The following CACNA1D variants were observed in gnomAD, a reference collection of about 807,000 sequenced individuals.
CACNA1D encodes the protein voltage-dependent L-type calcium channel subunit alpha-1D.
In CACNA1D, 55 loss-of-function variants were observed where a neutral mutation model predicts 257.1. The observed-to-expected ratio is 0.21, with a 90% CI of 0.17 to 0.27. The LOEUF (loss-of-function observed/expected upper bound fraction) is 0.27, where lower values mean the gene tolerates loss of function less well. Ranked by LOEUF, CACNA1D falls within the 10% of genes least tolerant of loss-of-function variation. CACNA1D has a pLI of 1.00. For missense variants in CACNA1D, 1,876 were observed against 2,784.0 expected, an observed-to-expected ratio of 0.67 and a Z score of 7.34; for synonymous variants, 980 against 1,014.9, an observed-to-expected ratio of 0.97 and a Z score of 0.65.
intron 32 of CACNA1D, 95 bp from the exon 33 acceptor site, chr3:53,772,738 G>T: frequency 1.2e-6 from 1 of 862,178 alleles, no homozygotes. Context: ...GGAATAGAAA[G>T]GAAGCATGTG....
At chr3:53,593,926 A>T (rs1193142646) in intron 3 of CACNA1D, among the ~76,000 whole-genome samples, 1 of 152,186 alleles carries the variant, frequency 6.6e-6, no homozygotes, top group Non-Finnish European at 1.5e-5. Flanking sequence ...AGAAACGCTG[A>T]TGTTAGGATG....
Position 53,726,914 on chromosome 3 carries a change from C to T in CACNA1D, c.2136C>T (p.Tyr712=), listed in dbSNP as rs570660359. ...LTGEDWNAVM[Y]DGIMAYGGPS... is the part of the protein sequence containing the mutation. ...GCGAAGACTGGAATGCTGTGATGTA[C>T]GATGGCATCATGGCTTACGGGGGCC... Residue 712 remains tyrosine (Y), a synonymous_variant, in exon 15 of 48, where the codon TAC becomes TAT. Coordinates refer to ENST00000350061, the MANE Select transcript of CACNA1D (RefSeq NM_001128840.3). 43 of 1,614,012 alleles carry T rather than the reference C, an allele frequency of 2.7e-5. No homozygotes were observed. The highest frequency in any genetic ancestry group is 8.8e-5 in the South Asian group (8 of 91,084).
At chr3:53,724,087 C>A in intron 14 of CACNA1D, 88 bp downstream of exon 14, 1 of 1,055,340 alleles carries the variant, frequency 9.5e-7, no homozygotes, top group Non-Finnish European at 1.5e-6. Context: ...CTCAGGAAGA[C>A]AAAAGGACTC....
At chr3:53,518,728 A>C (rs1388302224) in intron 3 of CACNA1D, among the ~76,000 whole-genome samples, 1 of 152,226 alleles carries the variant, frequency 6.6e-6, no homozygotes. Context: ...ATTTGTAAGA[A>C]AATCAAATCT....
In CACNA1D at chr3:53,495,281, T is replaced by C. The variant is rs747165686; in HGVS notation, c.67+48T>C. The C allele has an allele frequency of 1.9e-6, 3 of 1,610,184 alleles. No individual in the cohort carries two copies. The Admixed American group carries it at 5.0e-5, about 27-fold the overall frequency. On this transcript the variant is annotated intron_variant, in intron 1 of 47. Coordinates refer to ENST00000350061, the MANE Select transcript of CACNA1D (RefSeq NM_001128840.3). The surrounding 1 kb of genome is among the most constrained non-coding windows in gnomAD (Gnocchi z 5.1). ...CCCGCTGCCAAATCCGATCCTGTCA[T>C]GGTCCTCCAGCCCCCTCCCCCTTCC...
intron 3 of CACNA1D, among the ~76,000 whole-genome samples, chr3:53,636,188 C>T (rs2093881362): frequency 6.6e-6 from 1 of 152,084 alleles, no homozygotes; most frequent in Non-Finnish European, 1.5e-5. Context: ...TAAAGATTAT[C>T]GACTTCTAGA....
At position 53,695,256 on chromosome 3, in the gene CACNA1D, G is replaced by A. The variant is rs950206551; in HGVS notation, c.1221-7385G>A. Among the ~76,000 whole-genome samples the A allele has an allele frequency of 7.2e-5, 11 of 152,266 alleles. No individual in the cohort carries two copies. In the South Asian group the frequency reaches 1.9e-3, roughly 26 times the overall value. ...CGTGCTGTGATCTGGTGTCGCTGCC[G>A]AGTCATTAGTCCATCTCTACTGAGG... On this transcript the variant is annotated intron_variant, in intron 8 of 47. Coordinates refer to ENST00000350061, the MANE Select transcript of CACNA1D (RefSeq NM_001128840.3).
At chr3:53,497,547 G>T in intron 2 of CACNA1D, 86 bp downstream of exon 2, 2 of 1,361,292 alleles carry the variant, frequency 1.5e-6, no homozygotes, top group Non-Finnish European at 2.1e-6. Flanking sequence ...GTGACACAAA[G>T]CTGTAGCAGT....
chr3:53,529,838 A>G (rs1009167074), intron 3 of CACNA1D, among the ~76,000 whole-genome samples: 15 of 152,174 alleles, frequency 9.9e-5, no homozygotes, highest in Admixed American at 9.8e-4. Flanking sequence ...TCTGATTGCC[A>G]CTCATAATTT....
At chr3:53,594,111 G>A (rs943001781) in intron 3 of CACNA1D, among the ~76,000 whole-genome samples, 3 of 152,232 alleles carry the variant, frequency 2.0e-5, no homozygotes, top group African/African-American at 7.2e-5. Flanking sequence ...GTCCGTGTGT[G>A]TAAAGGCTAA....
intron 3 of CACNA1D, among the ~76,000 whole-genome samples, chr3:53,555,523 A>C (rs2092628192): frequency 6.7e-6 from 1 of 149,686 alleles, no homozygotes; most frequent in Non-Finnish European, 1.5e-5. Flanking sequence ...AGTTGACAAA[A>C]GGCACATATA....
At chr3:53,522,707 G>A (rs1236261899) in intron 3 of CACNA1D, among the ~76,000 whole-genome samples, 3 of 152,192 alleles carry the variant, frequency 2.0e-5, no homozygotes, top group Non-Finnish European at 4.4e-5. Flanking sequence ...TTTGATACAT[G>A]CCTGTAAGGT....
At chr3:53,518,960 G>C (rs1040775524) in intron 3 of CACNA1D, among the ~76,000 whole-genome samples, 1 of 152,114 alleles carries the variant, frequency 6.6e-6, no homozygotes. Flanking sequence ...CTGCAGTCTC[G>C]TCTGGCCTGA....
At position 53,672,758 on chromosome 3, in the gene CACNA1D, CTGTGTGTGTGTGTGTGTGTGTGTG is replaced by C. The variant is rs57956658; in HGVS notation, c.1117-227_1117-204del. Among the ~76,000 whole-genome samples, 288 of 95,090 alleles carry C rather than the reference CTGTGTGTGTGTGTGTGTGTGTGTG, an allele frequency of 3.0e-3. 2 individuals carry two copies. The East Asian group carries it at 0.032, about 10-fold the overall frequency. 62.4% of individuals were successfully genotyped at this position (95,090 alleles called of 152,430 possible). A position where few individuals can be genotyped will look rare whatever the true frequency, so the allele number is the denominator to read the frequency against. On this transcript the variant is annotated intron_variant, in intron 7 of 47. Transcript: ENST00000350061. ...ATTCGGCCTGAAAGCCTTGATGACT[CTGTGTGTGTGTGTGTGTGTGTGTG>C]TGTGTGTGTGTGTGTGTGTGTGTGT... is the stretch of plus-strand genomic sequence containing the variant.
At chr3:53,518,843 T>A (rs1367923925) in intron 3 of CACNA1D, among the ~76,000 whole-genome samples, 1 of 152,228 alleles carries the variant, frequency 6.6e-6, no homozygotes, top group Non-Finnish European at 1.5e-5. Context: ...CAGAATTACG[T>A]GTCCAGCTTC....
At chr3:53,763,744 G>C (rs759990577) in intron 30 of CACNA1D, among the ~76,000 whole-genome samples, 7 of 152,186 alleles carry the variant, frequency 4.6e-5, no homozygotes, top group Non-Finnish European at 1.0e-4. Flanking sequence ...GGTCCATGCT[G>C]ATCCTGGCGT....
At chr3:53,684,707 T>C (rs2094460342) in intron 8 of CACNA1D, among the ~76,000 whole-genome samples, 10 of 150,166 alleles carry the variant, frequency 6.7e-5, no homozygotes, top group Admixed American at 6.6e-4. Flanking sequence ...TAAAAGATAA[T>C]TTAAAGTAAG....
intron 9 of CACNA1D, among the ~76,000 whole-genome samples, chr3:53,716,503 G>A (rs1327868377): frequency 6.6e-6 from 1 of 152,032 alleles, no homozygotes; most frequent in Non-Finnish European, 1.5e-5. Flanking sequence ...AGCTTCTTGT[G>A]TGTCTGTGTG....
At chr3:53,651,456 A>G (rs1322099795) in intron 4 of CACNA1D, among the ~76,000 whole-genome samples, 4 of 139,176 alleles carry the variant, frequency 2.9e-5, no homozygotes, top group Non-Finnish European at 6.1e-5. Context: ...GTGTCTGGAT[A>G]ATGTCACGTA....
Sources: allele counts gnomAD v4.1 joint callset (sites outside exome capture counted in the v4.1 genomes callset), GRCh38; gene constraint gnomAD v4.1.1; non-coding constraint Gnocchi (gnomAD v3.1); transcripts MANE v1.5; gene names NCBI Gene and HGNC (gene_info 2026-07-23, HGNC 2026-07-21).